The following RFX7 variants were observed in gnomAD, a reference collection of about 807,000 sequenced individuals.
RFX7 encodes the protein regulatory factor X7.
In RFX7, 26 loss-of-function variants were observed where a neutral mutation model predicts 111.8. The ratio of observed to expected loss-of-function variants is 0.23; its 90% CI spans 0.17 to 0.32. The LOEUF (loss-of-function observed/expected upper bound fraction) is 0.32. RFX7 is among the 10% of genes least tolerant of loss of function. The probability of loss-of-function intolerance (pLI) is 1.00; values close to 1 mark genes in which losing one functional copy is unlikely to be tolerated. For missense variants in RFX7, 1,573 were observed against 1,772.9 expected (o/e 0.89, Z 2.02); for synonymous variants, 624 against 624.4 (o/e 1.00, Z 0.01).
chr15:56,122,481 T>G (rs1439300657), intron 5 of RFX7, among the ~76,000 whole-genome samples: 1 of 152,182 alleles, frequency 6.6e-6, no homozygotes, highest in African/African-American at 2.4e-5. Flanking sequence ...GGGTTAGACC[T>G]GAAACAAGCA....
chr15:56,116,978 T>TAGAGGC (rs1483084437), intron 5 of RFX7, among the ~76,000 whole-genome samples: 1 of 152,154 alleles, frequency 6.6e-6, no homozygotes, highest in Non-Finnish European at 1.5e-5. Flanking sequence ...GCCTGTGGCA[T>TAGAGGC]TAGAAGCCAG....
chr15:56,189,922 C>T (rs2043083361), intron 2 of RFX7: 1 of 152,096 alleles, frequency 6.6e-6, no homozygotes, highest in African/African-American at 2.4e-5. Context: ...TTTATAATTC[C>T]AAACTGGAAT....
intron 2 of RFX7, among the ~76,000 whole-genome samples, chr15:56,187,207 T>C (rs2043049474): frequency 6.7e-6 from 1 of 149,922 alleles, no homozygotes; most frequent in Non-Finnish European, 1.5e-5. Context: ...ACTGTACTGG[T>C]AGAATTTTTT....
chr15:56,229,851 G>A (rs1266518337), intron 2 of RFX7, among the ~76,000 whole-genome samples: 1 of 151,964 alleles, frequency 6.6e-6, no homozygotes, highest in African/African-American at 2.4e-5. Context: ...AAAAAGGAAG[G>A]AAGGAAAGAA....
At chr15:56,101,133 TGC>T (rs1205064999) in intron 8 of RFX7, among the ~76,000 whole-genome samples, 14 of 152,168 alleles carry the variant, frequency 9.2e-5, no homozygotes, top group Admixed American at 8.5e-4. Context: ...CAGTTTCATA[TGC>T]CAGCAAAGCA....
At chr15:56,098,019 T>G (rs1488409947) in intron 9 of RFX7, 62 bp downstream of exon 9, 6 of 1,505,710 alleles carry the variant, frequency 4.0e-6, no homozygotes, top group Non-Finnish European at 4.6e-6. Context: ...ATCTGCCACT[T>G]TTAAGTAAAC....
chr15:56,160,252 G>T (rs541233085), intron 3 of RFX7, among the ~76,000 whole-genome samples: 1 of 152,066 alleles, frequency 6.6e-6, no homozygotes, highest in East Asian at 1.9e-4. Context: ...TACTGGCCAG[G>T]TTGACAATAA....
At chr15:56,102,963 A>G (rs1486432490) in intron 6 of RFX7, among the ~76,000 whole-genome samples, 2 of 152,178 alleles carry the variant, frequency 1.3e-5, no homozygotes, top group African/African-American at 4.8e-5. Flanking sequence ...AAGAACTATA[A>G]TGAATTCTTA....
At chr15:56,111,262 A>T (rs1161961673) in intron 5 of RFX7, among the ~76,000 whole-genome samples, 1 of 150,200 alleles carries the variant, frequency 6.7e-6, no homozygotes, top group Non-Finnish European at 1.5e-5. Context: ...TCTGTGTAGA[A>T]AGAGGTAGAC....
chr15:56,238,986 G>C (rs1484093055), intron 2 of RFX7, among the ~76,000 whole-genome samples: 2 of 151,254 alleles, frequency 1.3e-5, no homozygotes, highest in Non-Finnish European at 3.0e-5. Flanking sequence ...GGCGCACGAT[G>C]CCACACCTGG....
chr15:56,189,271 T>C (rs188588313), intron 2 of RFX7, among the ~76,000 whole-genome samples: 37 of 152,206 alleles, frequency 2.4e-4, no homozygotes, highest in Non-Finnish European at 5.0e-4. Flanking sequence ...CCTGTAGCCC[T>C]TAGCTACTTG....
At position 56,228,315 on chromosome 15, in the gene RFX7, A is replaced by G. The variant is rs78204180; in HGVS notation, c.161+14810T>C. ...TTCCTTTCTTTCTTCCACTTCTGAT[A>G]TTCCCATTATGCTTATGTTACACCT... is the stretch of plus-strand genomic sequence containing the variant. On this transcript the variant is annotated intron_variant, in intron 2 of 9. Coordinates refer to ENST00000559447, the MANE Select transcript of RFX7 (RefSeq NM_022841.7). 2.0e-5 allele frequency among the ~76,000 whole-genome samples: 3 copies of G among 152,224 alleles called. No individual in the cohort carries two copies. In the East Asian group the frequency reaches 5.8e-4, roughly 29 times the overall value.
intron 2 of RFX7, among the ~76,000 whole-genome samples, chr15:56,241,827 T>G (rs2043693171): frequency 6.6e-6 from 1 of 152,186 alleles, no homozygotes; most frequent in African/African-American, 2.4e-5. Flanking sequence ...TATTTAAACT[T>G]CATTTTAAAA....
intron 5 of RFX7, among the ~76,000 whole-genome samples, chr15:56,107,296 CA>C (rs56077181): frequency 3.0e-3 from 96 of 32,122 alleles, no homozygotes; most frequent in Middle Eastern, 0.083. Context: ...GACTCCGTCT[CA>C]AAAAAAAAAA....
chr15:56,125,428 A>G (rs572390692), intron 5 of RFX7, among the ~76,000 whole-genome samples: 40 of 152,274 alleles, frequency 2.6e-4, no homozygotes, highest in African/African-American at 9.4e-4. Flanking sequence ...TTCAATCTGT[A>G]GACTGCTCTG....
intron 5 of RFX7, among the ~76,000 whole-genome samples, chr15:56,113,473 G>A (rs1466596751): frequency 1.3e-5 from 2 of 152,046 alleles, no homozygotes; most frequent in African/African-American, 4.8e-5. Flanking sequence ...CACAGGGAGG[G>A]GACCAACACA....
intron 5 of RFX7, among the ~76,000 whole-genome samples, chr15:56,136,634 C>T (rs1351945546): frequency 6.6e-6 from 1 of 152,014 alleles, no homozygotes; most frequent in African/African-American, 2.4e-5. Context: ...ACTGCCCTGG[C>T]CAGCACTTCC....
At chr15:56,108,633 C>G (rs563278187) in intron 5 of RFX7, among the ~76,000 whole-genome samples, 2 of 152,142 alleles carry the variant, frequency 1.3e-5, no homozygotes, top group South Asian at 2.1e-4. Context: ...TTTTGAAAAC[C>G]GGCACAAGAC....
intron 5 of RFX7, among the ~76,000 whole-genome samples, chr15:56,116,503 A>G (rs1285114570): frequency 6.6e-6 from 1 of 152,224 alleles, no homozygotes; most frequent in African/African-American, 2.4e-5. Flanking sequence ...CTGTAATGTA[A>G]ACAGTATGAC....
Sources: gnomAD v4.1 joint callset for allele counts (sites outside exome capture counted in the v4.1 genomes callset) on GRCh38, gnomAD v4.1.1 for gene constraint, MANE v1.5 for transcripts, NCBI Gene and HGNC (gene_info 2026-07-23, HGNC 2026-07-21) for gene names.